Variants in FNIP2 observed in about 807,000 individuals in gnomAD.
FNIP2 encodes folliculin interacting protein 2.
Under a neutral mutation model 108.7 loss-of-function variants are expected in FNIP2, and 32 were observed. The ratio of observed to expected loss-of-function variants is 0.29; its 90% CI spans 0.22 to 0.40. FNIP2 has a LOEUF of 0.40. Ranked by LOEUF, FNIP2 falls within the 10% of genes least tolerant of loss-of-function variation. The pLI is 1.00. For synonymous variants in FNIP2, 480 were observed against 496.7 expected, an observed-to-expected ratio of 0.97 and a Z score of 0.45; for missense variants, 1,202 against 1,381.6, an observed-to-expected ratio of 0.87 and a Z score of 2.06.
At position 158,891,471 on chromosome 4, in the gene FNIP2, C is replaced by T; in HGVS notation, c.2975C>T (p.Ala992Val). The T allele has an allele frequency of 6.2e-7, 1 of 1,604,248 alleles. No individual in the cohort carries two copies. Among genetic ancestry groups the T allele is most frequent in the South Asian group, 1.1e-5 (1 of 89,234 alleles). The change falls in exon 15 of 17, where the codon GCT (alanine) becomes GTT (valine). Residue 992 changes from alanine (A) to valine (V), a missense_variant. By Grantham distance (64) the Ala-to-Val change is moderately conservative. Around this residue, in one of 5 missense-constraint regions of FNIP2, gnomAD observed 142 missense variants for 183.8 expected, o/e 0.77. Transcript: ENST00000264433. ...CATCCAGTCCTGGATGAGCCAATAG[C>T]TGAAGCTGTCTGTATTATCGCAGAC... is the stretch of plus-strand genomic sequence containing the variant. The part of the protein sequence containing the change: ...VHHPVLDEPI[A>V]EAVCIIADTD...
intron 1 of FNIP2, among the ~76,000 whole-genome samples, chr4:158,784,595 T>C (rs1230620291): frequency 6.6e-6 from 1 of 152,046 alleles, no homozygotes; most frequent in Non-Finnish European, 1.5e-5. Flanking sequence ...CCATCTGGGG[T>C]TGATGGGAGA....
rs1414827855 is a variant in FNIP2 at position 158,868,882 on chromosome 4, T to C, written c.2246T>C (p.Leu749Ser). The C allele has an allele frequency of 6.2e-7, 1 of 1,613,872 alleles. No homozygotes were observed. Among genetic ancestry groups the C allele is most frequent in the Non-Finnish European group, 8.5e-7 (1 of 1,179,884 alleles). The change falls in exon 13 of 17, where the codon TTG becomes TCG. Residue 749 changes from leucine (L) to serine (S), a missense_variant. Around this residue, in one of 5 missense-constraint regions of FNIP2, gnomAD observed 878 missense variants for 990.3 expected, o/e 0.89. Coordinates refer to ENST00000264433, the MANE Select transcript of FNIP2 (RefSeq NM_020840.3). This position sits in a 1 kb window ranked among gnomAD's most constrained non-coding sequence, Gnocchi z 4.6. ...CGGGTGAAGGCCTGTGGCCCCTCCT[T>C]GGAGGCCAGTGAGGCTGCTGATGTG... Reference protein sequence around the residue: ...EERVKACGPSLEASEAADVAQ... With the variant: ...EERVKACGPSSEASEAADVAQ...
At chr4:158,874,806 C>T (rs1333747699) in intron 14 of FNIP2, among the ~76,000 whole-genome samples, 2 of 151,792 alleles carry the variant, frequency 1.3e-5, no homozygotes, top group East Asian at 1.9e-4. Context: ...GGGCCAGGCA[C>T]GGTGGCTCAT....
At chr4:158,805,437 G>A (rs556021433) in intron 1 of FNIP2, among the ~76,000 whole-genome samples, 1 of 152,324 alleles carries the variant, frequency 6.6e-6, no homozygotes, top group East Asian at 1.9e-4. Context: ...TCAAAATTGA[G>A]CTGCTTTTGT....
intron 14 of FNIP2, among the ~76,000 whole-genome samples, chr4:158,880,334 A>G (rs1162140563): frequency 6.6e-6 from 1 of 152,186 alleles, no homozygotes; most frequent in Non-Finnish European, 1.5e-5. Flanking sequence ...TCAGCAAACT[A>G]TCGCAAGGAC....
rs566709722 is a variant in FNIP2 at position 158,874,914 on chromosome 4, A to G, written c.2949+4445A>G. Among the ~76,000 whole-genome samples the G allele has an allele frequency of 4.8e-5, 3 of 62,994 alleles. No homozygotes were observed. In the Admixed American group the frequency reaches 6.5e-4, roughly 14 times the overall value. The allele number at this position is 62,994 out of a possible 152,430, so 41.3% of individuals were successfully genotyped here. A position where few individuals can be genotyped will look rare whatever the true frequency, so the allele number is the denominator to read the frequency against. On this transcript the variant is annotated intron_variant, in intron 14 of 16. Transcript: ENST00000264433. The stretch of plus-strand genomic sequence containing the variant: ...GGGAACACAGTGAAACCCCGTCTCT[A>G]CTAAAATACAAAAAAAAAAAAAAGT...
chr4:158,867,467 C>T (rs752649770), intron 12 of FNIP2, among the ~76,000 whole-genome samples: 1 of 152,230 alleles, frequency 6.6e-6, no homozygotes, highest in Non-Finnish European at 1.5e-5. Flanking sequence ...GCTGATATTA[C>T]AGGCATAAGC....
At chr4:158,872,825 A>G (rs1781036948) in intron 14 of FNIP2, 1 of 880,070 alleles carries the variant, frequency 1.1e-6, no homozygotes, top group African/African-American at 1.8e-5. Context: ...TTGTTTAAAC[A>G]TTATTCCGAA....
At chr4:158,792,230 T>G (rs1320221243) in intron 1 of FNIP2, among the ~76,000 whole-genome samples, 1 of 152,222 alleles carries the variant, frequency 6.6e-6, no homozygotes, top group African/African-American at 2.4e-5. Context: ...ACTTTCATGG[T>G]CACTCATGGA....
chr4:158,867,963 G>T, intron 12 of FNIP2, 139 bp from the exon 13 acceptor site: 1 of 1,232,328 alleles, frequency 8.1e-7, no homozygotes. Flanking sequence ...GTCCTTACTA[G>T]AGAGTAGAAA....
chr4:158,865,234 CATGTT>C (rs1780514770), intron 12 of FNIP2, among the ~76,000 whole-genome samples: 2 of 152,128 alleles, frequency 1.3e-5, no homozygotes, highest in Non-Finnish European at 2.9e-5. Context: ...ACAGTTCAGT[CATGTT>C]AAGTACATTC....
chr4:158,794,156 T>C (rs1250747208), intron 1 of FNIP2, among the ~76,000 whole-genome samples: 5 of 152,188 alleles, frequency 3.3e-5, no homozygotes, highest in African/African-American at 1.2e-4. Flanking sequence ...AAAATTCATT[T>C]CACTTGTTTT....
At chr4:158,884,429 G>A (rs917180468) in intron 14 of FNIP2, among the ~76,000 whole-genome samples, 3 of 152,194 alleles carry the variant, frequency 2.0e-5, no homozygotes, top group African/African-American at 7.2e-5. Flanking sequence ...GTGTGATGAA[G>A]TGCCAAAATG....
At chr4:158,786,556 G>A (rs983877308) in intron 1 of FNIP2, among the ~76,000 whole-genome samples, 3 of 152,104 alleles carry the variant, frequency 2.0e-5, no homozygotes, top group Non-Finnish European at 2.9e-5. Context: ...GCATTTTTGT[G>A]AATGTCAGTT....
intron 3 of FNIP2, among the ~76,000 whole-genome samples, chr4:158,830,692 T>C (rs1427135295): frequency 6.6e-6 from 1 of 152,056 alleles, no homozygotes; most frequent in African/African-American, 2.4e-5. Flanking sequence ...TTTGGAAGAG[T>C]ATGTTAAGGG....
chr4:158,868,601 A>G lies in FNIP2; in HGVS notation c.1965A>G (p.Lys655=). The change falls in exon 13 of 17, where the codon AAA becomes AAG. Residue 655 remains lysine, a synonymous_variant. Transcript: ENST00000264433. The surrounding 1 kb of genome is among the most constrained non-coding windows in gnomAD (Gnocchi z 4.6). ...QNAFCGDEKN[K]EAPQDGSSRL... ...CATTTTGTGGGGATGAGAAAAATAA[A>G]GAGGCACCGCAAGATGGCTCTTCAA... 1.9e-6 allele frequency: 3 copies of G among 1,613,770 alleles called. No homozygotes were observed. In the South Asian group the frequency reaches 3.3e-5, roughly 18 times the overall value.
chr4:158,888,470 A>T (rs1304227802), intron 14 of FNIP2, among the ~76,000 whole-genome samples: 2 of 152,232 alleles, frequency 1.3e-5, no homozygotes, highest in African/African-American at 4.8e-5. Context: ...GAGGCTAAGG[A>T]TGCAGAGAGA....
intron 1 of FNIP2, among the ~76,000 whole-genome samples, chr4:158,819,822 C>A (rs946240838): frequency 1.3e-5 from 2 of 152,172 alleles, no homozygotes; most frequent in Non-Finnish European, 2.9e-5. Flanking sequence ...CTTTGGGTCT[C>A]CCCACTCTTC....
At chr4:158,883,137 A>T (rs1462142785) in intron 14 of FNIP2, among the ~76,000 whole-genome samples, 1 of 152,334 alleles carries the variant, frequency 6.6e-6, no homozygotes. Context: ...CCAAAGAATC[A>T]TGTGTTTTAT....
Sources: gnomAD v4.1 joint callset for allele counts (sites outside exome capture counted in the v4.1 genomes callset) on GRCh38, gnomAD v4.1.1 for gene constraint, gnomAD v4.1.1 regional missense constraint, Gnocchi (gnomAD v3.1) non-coding constraint, MANE v1.5 for transcripts, NCBI Gene and HGNC (gene_info 2026-07-23, HGNC 2026-07-21) for gene names.